GNA11: variants seen among roughly 807,000 people sequenced by gnomAD.
GNA11 encodes G protein subunit alpha 11, also known as guanine nucleotide-binding protein subunit alpha-11.
GNA11 carries 8 observed loss-of-function variants against 38.2 expected under a neutral mutation model. That is an observed-to-expected ratio of 0.21 (90% CI 0.12 to 0.38). The LOEUF is 0.38. Ranked by LOEUF, GNA11 falls within the 10% of genes least tolerant of loss-of-function variation. The pLI is 1.00. For synonymous variants in GNA11, 211 were observed against 221.4 expected (o/e 0.95, Z 0.42); for missense variants, 268 against 516.3 (o/e 0.52, Z 4.66).
At chr19:3,113,183 T>A in intron 2 of GNA11, 147 bp from the exon 3 acceptor site, 1 of 707,000 alleles carries the variant, frequency 1.4e-6, no homozygotes, top group East Asian at 2.7e-5. Context: ...TGACACGTGT[T>A]CACACGGAAC....
chr19:3,104,810 C>A (rs1005894745), intron 1 of GNA11, among the ~76,000 whole-genome samples: 1 of 152,222 alleles, frequency 6.6e-6, no homozygotes, highest in Non-Finnish European at 1.5e-5. Context: ...CAGAGCCACC[C>A]TCAAAGGGCC....
rs1381530415 is a variant in GNA11, at chr19:3,110,426, C to T, written c.321+93C>T. On this transcript the variant is annotated intron_variant, in intron 2 of 6. Transcript: ENST00000078429. The surrounding 1 kb of genome is among the most constrained non-coding windows in gnomAD (Gnocchi z 5.4). ...CCGCGCTGCCAGGGTGGGGCCATGCCGGGGGTCCCGGCCGGCCCAGGCTAC... is the reference window on the plus strand; with the variant it reads ...CCGCGCTGCCAGGGTGGGGCCATGCTGGGGGTCCCGGCCGGCCCAGGCTAC... 17 of 1,029,458 alleles carry T rather than the reference C, an allele frequency of 1.7e-5. No individual in the cohort carries two copies. The highest frequency in any genetic ancestry group is 4.9e-5 in the East Asian group (2 of 40,768). 63.8% of individuals were successfully genotyped at this position (1,029,458 alleles called of 1,614,324 possible).
chr19:3,107,627 T>A (rs1274243845), intron 1 of GNA11, among the ~76,000 whole-genome samples: 1 of 152,138 alleles, frequency 6.6e-6, no homozygotes, highest in Non-Finnish European at 1.5e-5. Context: ...TGTAATAGCA[T>A]TTTGTTAGAC....
At position 3,123,274 on chromosome 19, in the gene GNA11, G is replaced by A. The variant is rs926353918; in HGVS notation, c.*2095G>A. On this transcript the variant is annotated 3_prime_UTR_variant, in exon 7 of 7. Transcript: ENST00000078429. Reference sequence around the variant, plus strand: ...TATTAGGCCTTCCCAGGGAGGGGGCGTGCCAAGCATCCCAGAGCCGGGCTG... The same window carrying A: ...TATTAGGCCTTCCCAGGGAGGGGGCATGCCAAGCATCCCAGAGCCGGGCTG... 4.7e-5 allele frequency: 11 copies of A among 233,124 alleles called. No individual in the cohort carries two copies. Among genetic ancestry groups the A allele is most frequent in the African/African-American group, 1.8e-4 (8 of 45,336 alleles). The allele number at this position is 233,124 out of a possible 1,614,324, so 14.4% of individuals were successfully genotyped here.
At position 3,122,901 on chromosome 19, in the gene GNA11, A is replaced by G. The variant is rs764785272; in HGVS notation, c.*1722A>G. On this transcript the variant is annotated 3_prime_UTR_variant, in exon 7 of 7. Transcript: ENST00000078429. The surrounding 1 kb of genome is among the most constrained non-coding windows in gnomAD (Gnocchi z 7.7). ...GGGGAGACCAGGTCAGGGCAGCTACATTTCTGGTGATCAGCCCCATGGGGA... is the reference window on the plus strand; with the variant it reads ...GGGGAGACCAGGTCAGGGCAGCTACGTTTCTGGTGATCAGCCCCATGGGGA... 2.6e-4 allele frequency: 60 copies of G among 232,716 alleles called. 1 individual carries two copies. Among genetic ancestry groups the G allele is most frequent in the Middle Eastern group, 2.5e-3 (2 of 812 alleles). The allele number at this position is 232,716 out of a possible 1,614,324, so 14.4% of individuals were successfully genotyped here.
intron 1 of GNA11, among the ~76,000 whole-genome samples, chr19:3,105,505 G>T (rs537581233): frequency 1.1e-4 from 17 of 152,130 alleles, no homozygotes; most frequent in Non-Finnish European, 2.4e-4. Context: ...GTGCCTTCTT[G>T]CTGTGTCCTC....
At chr19:3,109,568 C>G (rs1052451816) in intron 1 of GNA11, among the ~76,000 whole-genome samples, 1 of 152,238 alleles carries the variant, frequency 6.6e-6, no homozygotes, top group African/African-American at 2.4e-5. Context: ...TGGCTGACCC[C>G]GCCACAGCAC....
intron 1 of GNA11, among the ~76,000 whole-genome samples, chr19:3,102,225 C>T (rs527734888): frequency 5.3e-5 from 8 of 152,312 alleles, no homozygotes; most frequent in African/African-American, 1.7e-4. Context: ...GCACGGAAGC[C>T]TCAGTGGGAA....
chr19:3,113,587 G>C, intron 3 of GNA11, 103 bp downstream of exon 3: 1 of 858,660 alleles, frequency 1.2e-6, no homozygotes, highest in South Asian at 1.8e-5. Flanking sequence ...CCCCCTGCCT[G>C]CTCGCCGGGG....
At chr19:3,117,280 G>A (rs1168074255) in intron 4 of GNA11, 6 of 152,352 alleles carry the variant, frequency 3.9e-5, no homozygotes, top group Non-Finnish European at 8.8e-5. Context: ...GCAGGCCTCT[G>A]TGTCCTCTGT....
In GNA11 at chr19:3,113,331, C is replaced by A. The variant is rs2145318412; in HGVS notation, c.323C>A (p.Ala108Asp). The A allele has an allele frequency of 1.2e-6, 2 of 1,613,116 alleles. No individual in the cohort carries two copies. Among genetic ancestry groups the A allele is most frequent in the Non-Finnish European group, 1.7e-6 (2 of 1,179,762 alleles). The change falls in exon 3 of 7, where the codon GCC becomes GAC. Residue 108 changes from alanine (A) to aspartate (D), a missense_variant and splice_region_variant. Physicochemically the swap from Ala to Asp is moderately radical, Grantham distance 126. Around this residue, in one of 3 missense-constraint regions of GNA11, gnomAD observed 151 missense variants for 254.0 expected, o/e 0.59. Coordinates refer to ENST00000078429, the MANE Select transcript of GNA11 (RefSeq NM_002067.5). Reference sequence around the variant, plus strand: ...CGTCTCCCCTGCCCGCCCTCGCAGGCCAATGCGCTCCTGATCCGGGAGGTG... The same window carrying A: ...CGTCTCCCCTGCCCGCCCTCGCAGGACAATGCGCTCCTGATCCGGGAGGTG... ...KILYKYEQNK[A>D]NALLIREVDV...
At position 3,120,417 on chromosome 19, in the gene GNA11, A is replaced by T. The variant is rs1914039439; in HGVS notation, c.890-572A>T. ...CCAGAGCAGCCCCTTGAACACCCCC[A>T]GGGGCCTTTCCACCGGGGCAGGCAG... On this transcript the variant is annotated intron_variant, in intron 6 of 6. Transcript: ENST00000078429. This position sits in a 1 kb window ranked among gnomAD's most constrained non-coding sequence, Gnocchi z 5.9. Among the ~76,000 whole-genome samples the T allele has an allele frequency of 6.8e-6, 1 of 146,274 alleles. No individual in the cohort carries two copies. Among genetic ancestry groups the T allele is most frequent in the African/African-American group, 2.5e-5 (1 of 40,530 alleles).
intron 2 of GNA11, 130 bp from the exon 3 acceptor site, chr19:3,113,200 T>C: frequency 2.5e-6 from 2 of 790,686 alleles, no homozygotes; most frequent in Non-Finnish European, 4.2e-6. Context: ...GAACTGTCAG[T>C]GGTCCTGACT....
rs200558606 is a variant in GNA11 at position 3,119,383 on chromosome 19, A to C, written c.889+24A>C. 1 of 1,595,838 alleles carries C rather than the reference A, an allele frequency of 6.3e-7. No individual in the cohort carries two copies. Among genetic ancestry groups the C allele is most frequent in the Non-Finnish European group, 8.5e-7 (1 of 1,171,232 alleles). On this transcript the variant is annotated intron_variant, in intron 6 of 6. Transcript: ENST00000078429. This position sits in a 1 kb window ranked among gnomAD's most constrained non-coding sequence, Gnocchi z 4.6. ...TGGTGCGCCGGGCTGCGGCATGGGG[A>C]GGGGCTCGCGGGCAGGGCCTTACTG... is the stretch of plus-strand genomic sequence containing the variant.
chr19:3,119,143 G>GC lies in GNA11; in HGVS notation c.736-59dup. The GC allele has an allele frequency of 6.2e-7, 1 of 1,602,630 alleles. No homozygotes were observed. The highest frequency in any genetic ancestry group is 1.1e-5 in the South Asian group (1 of 90,520). On this transcript the variant is annotated intron_variant, in intron 5 of 6. Coordinates refer to ENST00000078429, the MANE Select transcript of GNA11 (RefSeq NM_002067.5). This position sits in a 1 kb window ranked among gnomAD's most constrained non-coding sequence, Gnocchi z 4.6. ...TCCCCTCACCTGGGTCCCCCCAGCT[G>GC]CCCCTTGGGCTGTGTGCAGTGGGGA...
intron 3 of GNA11, 29 bp downstream of exon 3, chr19:3,113,513 G>C: frequency 6.6e-7 from 1 of 1,518,228 alleles, no homozygotes; most frequent in East Asian, 2.4e-5. Context: ...CTGGCGGCCT[G>C]GGGACGGCAG....
chr19:3,121,371 C>G lies in GNA11; in HGVS notation c.*192C>G. On this transcript the variant is annotated 3_prime_UTR_variant, in exon 7 of 7. Transcript: ENST00000078429. The stretch of plus-strand genomic sequence containing the variant: ...TATCAGGGGATGTACATCTCTCCCT[C>G]CGTACACTTCGCGCACCTTCTCACC... 2.0e-6 allele frequency: 1 copy of G among 496,494 alleles called. No individual in the cohort carries two copies. The highest frequency in any genetic ancestry group is 3.6e-6 in the Non-Finnish European group (1 of 280,284). The allele number at this position is 496,494 out of a possible 1,614,324, so 30.8% of individuals were successfully genotyped here. A position where few individuals can be genotyped will look rare whatever the true frequency, so the allele number is the denominator to read the frequency against.
intron 2 of GNA11, among the ~76,000 whole-genome samples, chr19:3,111,292 A>C (rs946175036): frequency 7.9e-5 from 12 of 151,932 alleles, no homozygotes; most frequent in African/African-American, 2.9e-4. Flanking sequence ...CATTTTCTCA[A>C]AGGAAGCCCC....
intron 1 of GNA11, among the ~76,000 whole-genome samples, chr19:3,103,442 A>C (rs2145308990): frequency 7.0e-6 from 1 of 143,410 alleles, no homozygotes; most frequent in South Asian, 2.3e-4. Flanking sequence ...CCAACTTCTG[A>C]CCTCAGGTGA....
Sources: allele counts gnomAD v4.1 joint callset (sites outside exome capture counted in the v4.1 genomes callset), GRCh38; gene constraint gnomAD v4.1.1; regional missense constraint gnomAD v4.1.1; non-coding constraint Gnocchi (gnomAD v3.1); transcripts MANE v1.5; gene names NCBI Gene and HGNC (gene_info 2026-07-23, HGNC 2026-07-21).